The following DLGAP1 variants were observed in gnomAD, a reference collection of about 807,000 sequenced individuals.
DLGAP1 encodes disks large-associated protein 1.
Under a neutral mutation model 90.8 loss-of-function variants are expected in DLGAP1, and 11 were observed. That is an observed-to-expected ratio of 0.12 (90% CI 0.08 to 0.20). The LOEUF (loss-of-function observed/expected upper bound fraction) is 0.20. Among genes scored for constraint, DLGAP1 ranks in the 10% least tolerant of loss-of-function variants. The pLI, the probability that DLGAP1 is intolerant of heterozygous loss-of-function variation, is 1.00. For synonymous variants in DLGAP1, 558 were observed against 540.7 expected (o/e 1.03, Z -0.44); for missense variants, 1,050 against 1,333.8 (o/e 0.79, Z 3.31).
At chr18:4,407,298 A>G (rs1598371368) in intron 1 of DLGAP1, among the ~76,000 whole-genome samples, 1 of 152,220 alleles carries the variant, frequency 6.6e-6, no homozygotes, top group Non-Finnish European at 1.5e-5. Flanking sequence ...TGGCTGCCCA[A>G]GTTTTTCCCT....
chr18:3,643,752 A>G (rs555831699), intron 7 of DLGAP1, among the ~76,000 whole-genome samples: 16 of 152,024 alleles, frequency 1.1e-4, no homozygotes, highest in Admixed American at 1.0e-3. Context: ...TAGGTTCAAC[A>G]TTGCTCATAA....
At chr18:3,784,306 C>T (rs554109976) in intron 5 of DLGAP1, among the ~76,000 whole-genome samples, 2 of 152,136 alleles carry the variant, frequency 1.3e-5, no homozygotes, top group Non-Finnish European at 2.9e-5. Context: ...TTGGACCCCC[C>T]CTAGTTGTTG....
At chr18:3,521,706 T>C (rs477347) in intron 10 of DLGAP1, among the ~76,000 whole-genome samples, 45,480 of 152,096 alleles carry the variant, frequency 0.3, 7,505 homozygotes, top group East Asian at 0.53. Flanking sequence ...CAACATGTTC[T>C]GTTAATATGT....
chr18:3,807,975 G>A (rs2066646533), intron 5 of DLGAP1, among the ~76,000 whole-genome samples: 1 of 152,134 alleles, frequency 6.6e-6, no homozygotes, highest in African/African-American at 2.4e-5. Flanking sequence ...AAGAAACCAG[G>A]ATTTGGTACA....
chr18:3,583,210 CTT>C (rs2055668633), intron 7 of DLGAP1, among the ~76,000 whole-genome samples: 1 of 151,264 alleles, frequency 6.6e-6, no homozygotes, highest in East Asian at 2.0e-4. Context: ...TCCTTCCTTC[CTT>C]CCCTCCTCCC....
chr18:4,201,038 T>G (rs2077596684), intron 1 of DLGAP1, among the ~76,000 whole-genome samples: 1 of 152,186 alleles, frequency 6.6e-6, no homozygotes, highest in African/African-American at 2.4e-5. Context: ...TTGATTAGAT[T>G]CTAGATATTA....
intron 7 of DLGAP1, among the ~76,000 whole-genome samples, chr18:3,677,558 C>G (rs1308694015): frequency 1.3e-5 from 2 of 152,234 alleles, no homozygotes; most frequent in East Asian, 3.8e-4. Flanking sequence ...ATCCAGAATT[C>G]TCAGCTAAAT....
At chr18:3,725,111 T>C (rs971739777) in intron 7 of DLGAP1, among the ~76,000 whole-genome samples, 3 of 152,218 alleles carry the variant, frequency 2.0e-5, no homozygotes, top group African/African-American at 7.2e-5. Flanking sequence ...GGGAAACCAC[T>C]GCAAATGATT....
At chr18:3,763,241 A>G (rs1039487525) in intron 5 of DLGAP1, among the ~76,000 whole-genome samples, 2 of 152,148 alleles carry the variant, frequency 1.3e-5, no homozygotes, top group East Asian at 3.9e-4. Flanking sequence ...TCCAGACTAT[A>G]TCTTTCTCCT....
intron 7 of DLGAP1, among the ~76,000 whole-genome samples, chr18:3,695,123 T>C (rs552940585): frequency 1.3e-5 from 2 of 152,074 alleles, no homozygotes; most frequent in African/African-American, 4.8e-5. Flanking sequence ...TCTGTATTTT[T>C]TTAGTAGAGA....
intron 7 of DLGAP1, among the ~76,000 whole-genome samples, chr18:3,632,201 T>A (rs1392648437): frequency 6.6e-6 from 1 of 152,228 alleles, no homozygotes; most frequent in Non-Finnish European, 1.5e-5. Flanking sequence ...ATTTTTCTTC[T>A]ACATAAAATA....
At chr18:3,836,738 C>T (rs2068409009) in intron 4 of DLGAP1, among the ~76,000 whole-genome samples, 1 of 152,192 alleles carries the variant, frequency 6.6e-6, no homozygotes, top group Admixed American at 6.5e-5. Flanking sequence ...CCTCAGAATC[C>T]ACCTCTCAGA....
rs7226877 is a variant in DLGAP1 at position 4,190,961 on chromosome 18, C to T, written c.-266-39674G>A. ...AAGTATAATAATCTTATGTGAAATA[C>T]ATTAAATAAGAAACTCATGGCTTAA... On this transcript the variant is annotated intron_variant, in intron 1 of 12. Coordinates refer to ENST00000315677, the MANE Select transcript of DLGAP1 (RefSeq NM_004746.4). Among the ~76,000 whole-genome samples the T allele has an allele frequency of 7.9e-3, 1,195 of 152,132 alleles. 12 individuals are homozygous for T. The highest frequency in any genetic ancestry group is 0.027 in the African/African-American group (1,121 of 41,522).
chr18:3,786,911 A>G (rs985328777), intron 5 of DLGAP1, among the ~76,000 whole-genome samples: 3 of 152,208 alleles, frequency 2.0e-5, no homozygotes, highest in Non-Finnish European at 2.9e-5. Context: ...ATGTGCTTCA[A>G]TGAGGAACCA....
intron 2 of DLGAP1, among the ~76,000 whole-genome samples, chr18:4,123,473 T>C (rs2076184829): frequency 6.6e-6 from 1 of 151,998 alleles, no homozygotes; most frequent in African/African-American, 2.4e-5. Flanking sequence ...CTCGTGGAAA[T>C]ATACTCGGAC....
chr18:4,179,543 A>ACTATCATCAT (rs1350980659), intron 1 of DLGAP1, among the ~76,000 whole-genome samples: 1 of 152,200 alleles, frequency 6.6e-6, no homozygotes, highest in Non-Finnish European at 1.5e-5. Flanking sequence ...TATAAGACAT[A>ACTATCATCAT]CTATCATCAT....
At chr18:3,793,454 T>C (rs921882321) in intron 5 of DLGAP1, among the ~76,000 whole-genome samples, 2 of 152,146 alleles carry the variant, frequency 1.3e-5, no homozygotes, top group African/African-American at 4.8e-5. Flanking sequence ...AGAGTCCCCG[T>C]GTCACTCAGA....
chr18:3,780,100 A>G (rs901539936), intron 5 of DLGAP1, among the ~76,000 whole-genome samples: 1 of 152,096 alleles, frequency 6.6e-6, no homozygotes, highest in Non-Finnish European at 1.5e-5. Flanking sequence ...TTACTCTTTC[A>G]TAGACCACCC....
At chr18:4,009,996 C>A (rs1419869164) in intron 2 of DLGAP1, among the ~76,000 whole-genome samples, 3 of 152,224 alleles carry the variant, frequency 2.0e-5, no homozygotes, top group Non-Finnish European at 4.4e-5. Flanking sequence ...GCACTACTTA[C>A]AAGATCATGC....
Sources: gnomAD v4.1 joint callset for allele counts (sites outside exome capture counted in the v4.1 genomes callset) on GRCh38, gnomAD v4.1.1 for gene constraint, MANE v1.5 for transcripts, NCBI Gene and HGNC (gene_info 2026-07-23, HGNC 2026-07-21) for gene names.